The following PARPBP variants were observed in gnomAD, a reference collection of about 807,000 sequenced individuals.
The protein encoded by PARPBP is PCNA-interacting partner.
A neutral mutation model predicts 50.0 loss-of-function variants in PARPBP; 52 were observed. The ratio of observed to expected loss-of-function variants is 1.04; its 90% CI spans 0.83 to 1.31. The LOEUF (loss-of-function observed/expected upper bound fraction) is 1.31. Ranked by LOEUF, PARPBP falls within the 50% of genes most tolerant of loss-of-function variation. The pLI, the probability that PARPBP is intolerant of heterozygous loss-of-function variation, is 0.00. For missense variants in PARPBP, 697 were observed against 672.0 expected (o/e 1.04, Z -0.41); for synonymous variants, 244 against 232.1 (o/e 1.05, Z -0.47).
At chr12:102,149,076 T>C (rs1344227437) in intron 3 of PARPBP, 3 of 152,188 alleles carry the variant, frequency 2.0e-5, no homozygotes, top group African/African-American at 7.2e-5. Flanking sequence ...TAGTTATTTT[T>C]AAAGTGTTGG....
In PARPBP at chr12:102,147,388, G is replaced by A. The variant is rs1227446641; in HGVS notation, c.154-842G>A. ...ACACCATGGAATACTATGCAGCCAT[G>A]AAAAATGATGAGTTCATGTCCTTTG... On this transcript the variant is annotated intron_variant, in intron 2 of 10. Coordinates refer to ENST00000327680, the MANE Select transcript of PARPBP (RefSeq NM_017915.5). 6.6e-5 allele frequency among the ~76,000 whole-genome samples: 10 copies of A among 151,970 alleles called. No individual in the cohort carries two copies. In the East Asian group the frequency reaches 7.7e-4, roughly 12 times the overall value.
chr12:102,134,466 T>A (rs1883337174), intron 2 of PARPBP, among the ~76,000 whole-genome samples: 1 of 152,086 alleles, frequency 6.6e-6, no homozygotes, highest in Non-Finnish European at 1.5e-5. Flanking sequence ...TAATAAAAAG[T>A]CTTTTATTAA....
intron 2 of PARPBP, among the ~76,000 whole-genome samples, chr12:102,127,629 G>A (rs1234253866): frequency 6.6e-6 from 1 of 152,086 alleles, no homozygotes; most frequent in Non-Finnish European, 1.5e-5. Context: ...AAATAAACTA[G>A]AAATATTCTA....
intron 1 of PARPBP, among the ~76,000 whole-genome samples, chr12:102,123,343 A>G (rs2136984359): frequency 1.3e-5 from 2 of 152,194 alleles, no homozygotes; most frequent in Admixed American, 1.3e-4. Flanking sequence ...TTCTGCACAC[A>G]CCACTTAAGG....
intron 2 of PARPBP, among the ~76,000 whole-genome samples, chr12:102,129,208 G>A (rs1284663147): frequency 6.6e-6 from 1 of 151,986 alleles, no homozygotes; most frequent in Non-Finnish European, 1.5e-5. Flanking sequence ...GGCTGTACTT[G>A]GACTCCTAGG....
intron 2 of PARPBP, 70 bp downstream of exon 2, chr12:102,124,111 C>G: frequency 9.8e-7 from 1 of 1,017,644 alleles, no homozygotes; most frequent in South Asian, 1.4e-5. Flanking sequence ...TTTGAATAAA[C>G]TTAAGCTTAA....
intron 2 of PARPBP, among the ~76,000 whole-genome samples, chr12:102,138,754 C>T (rs1884074037): frequency 1.3e-5 from 2 of 152,130 alleles, no homozygotes; most frequent in Non-Finnish European, 2.9e-5. Context: ...AATCTTTTCC[C>T]GATTTCTTGT....
chr12:102,148,775 G>A (rs577028710), intron 3 of PARPBP: 5 of 230,088 alleles, frequency 2.2e-5, no homozygotes, highest in Non-Finnish European at 3.3e-5. Context: ...GATTGCTTTT[G>A]TATTCACTTT....
chr12:102,147,232 C>T (rs546652340), intron 2 of PARPBP, among the ~76,000 whole-genome samples: 1 of 152,132 alleles, frequency 6.6e-6, no homozygotes, highest in Non-Finnish European at 1.5e-5. Context: ...ACCCAAGGGA[C>T]TATAAATCAT....
intron 2 of PARPBP, among the ~76,000 whole-genome samples, chr12:102,142,921 T>G (rs189039480): frequency 2.1e-4 from 32 of 152,340 alleles, no homozygotes; most frequent in African/African-American, 5.8e-4. Flanking sequence ...TGCCTCCCAC[T>G]TAGGCTACTT....
At chr12:102,154,017 C>A (rs761981212) in intron 4 of PARPBP, 41 bp downstream of exon 4, 1 of 1,152,990 alleles carries the variant, frequency 8.7e-7, no homozygotes, top group African/African-American at 1.5e-5. Flanking sequence ...GACTATAATC[C>A]CTTTCAAATC....
At chr12:102,132,922 A>G (rs571306285) in intron 2 of PARPBP, among the ~76,000 whole-genome samples, 20 of 152,112 alleles carry the variant, frequency 1.3e-4, no homozygotes, top group African/African-American at 4.3e-4. Context: ...GCTATTGTAA[A>G]TGGGATTGTT....
chr12:102,151,824 G>A (rs760929751), intron 3 of PARPBP: 7 of 1,508,536 alleles, frequency 4.6e-6, no homozygotes, highest in South Asian at 2.4e-5. Context: ...AAAGCCACCC[G>A]CTTCAGAACA....
Position 102,178,612 on chromosome 12 carries a change from C to A in PARPBP, c.1026C>A (p.Asn342Lys). The A allele has an allele frequency of 6.3e-7, 1 of 1,598,808 alleles. No homozygotes were observed. The highest frequency in any genetic ancestry group is 8.5e-7 in the Non-Finnish European group (1 of 1,173,230). The change falls in exon 8 of 11, where the codon AAC becomes AAA. Residue 342 changes from asparagine (N) to lysine (K), a missense_variant. Coordinates refer to ENST00000327680, the MANE Select transcript of PARPBP (RefSeq NM_017915.5). ...SPARPKSHAI[N>K]HGTAYCGRDT... ...CTCAGCCAAAATCTCATGCCATAAA[C>A]CATGGTACTGCATACTGTGGCAGAG...
At chr12:102,178,798 A>G in intron 8 of PARPBP, 28 bp downstream of exon 8, 1 of 1,415,964 alleles carries the variant, frequency 7.1e-7, no homozygotes, top group Non-Finnish European at 9.6e-7. Flanking sequence ...TATATGTGTT[A>G]TAAATGTTAA....
At chr12:102,148,579 G>T in intron 3 of PARPBP, 116 bp downstream of exon 3, 1 of 495,574 alleles carries the variant, frequency 2.0e-6, no homozygotes. Flanking sequence ...TGTGAATCAT[G>T]TTAAAAATGG....
chr12:102,175,636 T>TCTTA lies in PARPBP; in HGVS notation c.976_979dup (p.Ser327ThrfsTer2), dbSNP rs773048983. The TCTTA allele has an allele frequency of 6.2e-7, 1 of 1,613,412 alleles. No homozygotes were observed. Among genetic ancestry groups the TCTTA allele is most frequent in the South Asian group, 1.1e-5 (1 of 91,044 alleles). ...TCAATTCTCAAGAAGGTGTTGTAGC[T>TCTTA]CTTAGCACCACTGACATCAGTCCTG... On this transcript the variant is annotated frameshift_variant, in exon 7 of 11. Coordinates refer to ENST00000327680, the MANE Select transcript of PARPBP (RefSeq NM_017915.5). LOFTEE classifies it high-confidence loss of function.
intron 2 of PARPBP, among the ~76,000 whole-genome samples, chr12:102,130,910 T>A (rs1004269512): frequency 6.6e-6 from 1 of 151,018 alleles, no homozygotes; most frequent in Non-Finnish European, 1.5e-5. Flanking sequence ...ACAGACACTT[T>A]TCAAAAGAAG....
At chr12:102,170,401 T>C (rs1888571370) in intron 6 of PARPBP, among the ~76,000 whole-genome samples, 1 of 152,236 alleles carries the variant, frequency 6.6e-6, no homozygotes, top group South Asian at 2.1e-4. Context: ...CTATATGGCA[T>C]AGCCTATTGC....
Sources: gnomAD v4.1 joint callset for allele counts (sites outside exome capture counted in the v4.1 genomes callset) on GRCh38, gnomAD v4.1.1 for gene constraint, MANE v1.5 for transcripts, NCBI Gene and HGNC (gene_info 2026-07-23, HGNC 2026-07-21) for gene names.